Variants in VPS35L observed in about 807,000 individuals in gnomAD.
The protein encoded by VPS35L is VPS35 endosomal protein-sorting factor-like.
In VPS35L, 83 loss-of-function variants were observed where a neutral mutation model predicts 133.0. The observed-to-expected ratio is 0.62, with a 90% CI of 0.52 to 0.75. The LOEUF is 0.75. Ranked by LOEUF, VPS35L falls within the 30% of genes least tolerant of loss-of-function variation. VPS35L has a pLI of 0.00. For synonymous variants in VPS35L, 423 were observed against 449.9 expected (o/e 0.94, Z 0.76); for missense variants, 1,083 against 1,206.8 (o/e 0.90, Z 1.52).
At chr16:19,686,688 A>G (rs1357178936) in intron 28 of VPS35L, among the ~76,000 whole-genome samples, 3 of 152,088 alleles carry the variant, frequency 2.0e-5, no homozygotes, top group Non-Finnish European at 2.9e-5. Flanking sequence ...GGCCCCCAAT[A>G]CACTCTGACC....
chr16:19,608,044 A>C (rs554728164), intron 9 of VPS35L, 134 bp from the exon 10 acceptor site: 19 of 666,062 alleles, frequency 2.9e-5, no homozygotes, highest in East Asian at 1.9e-4. Flanking sequence ...TTACTTCCTA[A>C]TAGTGATATT....
At chr16:19,573,356 A>G (rs561683817) in intron 4 of VPS35L, 115 bp downstream of exon 4, 18 of 1,218,486 alleles carry the variant, frequency 1.5e-5, no homozygotes, top group South Asian at 1.1e-4. Flanking sequence ...TTATTTTTCT[A>G]CTTCTCTTAA....
intron 8 of VPS35L, among the ~76,000 whole-genome samples, chr16:19,598,052 A>G (rs1972271902): frequency 6.6e-6 from 1 of 151,904 alleles, no homozygotes; most frequent in African/African-American, 2.4e-5. Flanking sequence ...CTGGGATTTC[A>G]CTGGAGGCAT....
At chr16:19,603,298 C>CA (rs67386311) in intron 9 of VPS35L, among the ~76,000 whole-genome samples, 2,720 of 152,224 alleles carry the variant, frequency 0.018, 94 homozygotes, top group African/African-American at 0.063. Flanking sequence ...TTGTCCAGTA[C>CA]AGCAGCCACT....
chr16:19,677,586 G>A (rs1041433783), intron 27 of VPS35L, among the ~76,000 whole-genome samples: 15 of 152,156 alleles, frequency 9.9e-5, no homozygotes, highest in Admixed American at 2.0e-4. Context: ...CCTGGAGGTG[G>A]GAAGCGGCAC....
intron 8 of VPS35L, among the ~76,000 whole-genome samples, chr16:19,598,834 AAAAG>A (rs1198411184): frequency 6.6e-6 from 1 of 152,036 alleles, no homozygotes; most frequent in East Asian, 1.9e-4. Context: ...TTTTTTAAAA[AAAAG>A]AAAGCTAGTT....
At chr16:19,590,649 AAG>A (rs1341719131) in intron 7 of VPS35L, among the ~76,000 whole-genome samples, 1 of 152,152 alleles carries the variant, frequency 6.6e-6, no homozygotes, top group Non-Finnish European at 1.5e-5. Context: ...TACTCAAAAA[AAG>A]AGTTCTGAAC....
chr16:19,571,056 A>G (rs1971367948), intron 3 of VPS35L, among the ~76,000 whole-genome samples: 1 of 150,978 alleles, frequency 6.6e-6, no homozygotes, highest in East Asian at 2.0e-4. Flanking sequence ...GTATTTTAGT[A>G]GAGACGGGGT....
At position 19,700,511 on chromosome 16, in the gene VPS35L, T is replaced by G; in HGVS notation, c.*35T>G. The G allele has an allele frequency of 6.4e-7, 1 of 1,556,248 alleles. No homozygotes were observed. Among genetic ancestry groups the G allele is most frequent in the Non-Finnish European group, 8.9e-7 (1 of 1,128,154 alleles). ...CCATCCCCAGGCTCAGGGACTCTGG[T>G]GCCAAATCCAGAAAGATCTGCTCTG... is the stretch of plus-strand genomic sequence containing the variant. On this transcript the variant is annotated 3_prime_UTR_variant, in exon 31 of 31. Transcript: ENST00000417362.
At chr16:19,560,794 T>TA (rs886766290) in intron 1 of VPS35L, among the ~76,000 whole-genome samples, 178 of 142,826 alleles carry the variant, frequency 1.2e-3, no homozygotes, top group South Asian at 3.1e-3. Flanking sequence ...ATACTCTGTC[T>TA]AAAAAAAAAA....
intron 2 of VPS35L, among the ~76,000 whole-genome samples, chr16:19,566,034 GCATGGA>G (rs1293692455): frequency 6.6e-6 from 1 of 152,170 alleles, no homozygotes; most frequent in African/African-American, 2.4e-5. Context: ...GTGATTGTCA[GCATGGA>G]GGCTCTGGGA....
chr16:19,609,556 A>G (rs959665937), intron 11 of VPS35L, among the ~76,000 whole-genome samples: 1 of 152,146 alleles, frequency 6.6e-6, no homozygotes, highest in African/African-American at 2.4e-5. Context: ...ATTTATCACA[A>G]TGTTTTGAGA....
intron 3 of VPS35L, 119 bp from the exon 4 acceptor site, chr16:19,573,000 C>A: frequency 2.5e-6 from 3 of 1,204,894 alleles, no homozygotes; most frequent in African/African-American, 1.6e-5. Context: ...TGATAGTAAA[C>A]CTTGAGACAA....
Position 19,627,585 on chromosome 16 carries a change from C to T in VPS35L, c.1272-109C>T, listed in dbSNP as rs185999819. On this transcript the variant is annotated intron_variant, in intron 15 of 30. Coordinates refer to ENST00000417362, the MANE Select transcript of VPS35L (RefSeq NM_020314.7). ...CTCTGATTTTTTGTTTTTCCCCAAC[C>T]CTACCGCTAAAGAGCTGTTAGTCTT... is the stretch of plus-strand genomic sequence containing the variant. The T allele has an allele frequency of 7.2e-5, 62 of 856,742 alleles. No homozygotes were observed. In the African/African-American group the frequency reaches 9.3e-4, roughly 13 times the overall value. The allele number at this position is 856,742 out of a possible 1,614,324, so 53.1% of individuals were successfully genotyped here. A position where few individuals can be genotyped will look rare whatever the true frequency, so the allele number is the denominator to read the frequency against.
chr16:19,661,285 C>T (rs1403186305), intron 26 of VPS35L, among the ~76,000 whole-genome samples: 2 of 151,738 alleles, frequency 1.3e-5, no homozygotes, highest in Admixed American at 6.6e-5. Flanking sequence ...TTTTTTCCTC[C>T]GAACTCCTGT....
At chr16:19,696,969 C>T (rs1396115722) in intron 29 of VPS35L, among the ~76,000 whole-genome samples, 2 of 152,156 alleles carry the variant, frequency 1.3e-5, no homozygotes, top group Non-Finnish European at 2.9e-5. Flanking sequence ...AGGTGTCAGA[C>T]GAGGACCAGG....
In VPS35L at chr16:19,640,119, A is replaced by G. The variant is rs911581591; in HGVS notation, c.1784+19A>G. ...TTATCAAGTGAGTGCCACTGCGTGC[A>G]GCAGAAGCCTTGATTCCCAATGTCC... is the stretch of plus-strand genomic sequence containing the variant. On this transcript the variant is annotated intron_variant, in intron 21 of 30. Coordinates refer to ENST00000417362, the MANE Select transcript of VPS35L (RefSeq NM_020314.7). 1.2e-6 allele frequency: 2 copies of G among 1,605,016 alleles called. No homozygotes were observed. The highest frequency in any genetic ancestry group is 1.7e-6 in the Non-Finnish European group (2 of 1,172,798).
At chr16:19,615,797 T>C (rs1044146439) in intron 12 of VPS35L, among the ~76,000 whole-genome samples, 1 of 151,490 alleles carries the variant, frequency 6.6e-6, no homozygotes, top group Non-Finnish European at 1.5e-5. Context: ...TGAAACCCTG[T>C]CTCTACTAAA....
chr16:19,675,590 C>T (rs1318104722), intron 27 of VPS35L, among the ~76,000 whole-genome samples: 2 of 151,796 alleles, frequency 1.3e-5, no homozygotes, highest in Non-Finnish European at 2.9e-5. Flanking sequence ...AGACAGGTCA[C>T]CCAGGCTGGA....
Sources: gnomAD v4.1 joint callset for allele counts (sites outside exome capture counted in the v4.1 genomes callset) on GRCh38, gnomAD v4.1.1 for gene constraint, MANE v1.5 for transcripts, NCBI Gene and HGNC (gene_info 2026-07-23, HGNC 2026-07-21) for gene names.